NBPF20: variants seen among roughly 807,000 people sequenced by gnomAD.
NBPF20 encodes the protein NBPF family member NBPF20.
Under a neutral mutation model 68.1 loss-of-function variants are expected in NBPF20, and 90 were observed. That is an observed-to-expected ratio of 1.32 (90% CI 1.11 to 1.58). NBPF20 has a LOEUF of 1.58. Among genes scored for constraint, NBPF20 ranks in the 40% most tolerant of loss-of-function variants. NBPF20 has a pLI of 0.00. For missense variants in NBPF20, 816 were observed against 601.2 expected, an observed-to-expected ratio of 1.36 and a Z score of -3.74; for synonymous variants, 290 against 228.1, an observed-to-expected ratio of 1.27 and a Z score of -2.45.
chr1:145,394,473 A>T (rs1553663241), intron 8 of NBPF20, among the ~76,000 whole-genome samples: 1 of 152,132 alleles, frequency 6.6e-6, no homozygotes, highest in Non-Finnish European at 1.5e-5. Context: ...ATGAGCTAAA[A>T]CAAGCGAACT....
rs1272967976 is a variant in NBPF20, at chr1:145,393,735, C to T, written c.1043+149G>A. On this transcript the variant is annotated intron_variant, in intron 9 of 137. Coordinates refer to ENST00000369373, the Ensembl canonical transcript of NBPF20. ...AGAAATGGAAACCTAAACATGTACT[C>T]TAATGAGAACCAGAAAGCAATGTAG... 10 of 1,511,162 alleles carry T rather than the reference C, an allele frequency of 6.6e-6. No individual in the cohort carries two copies. In the Admixed American group the frequency reaches 1.7e-4, roughly 25 times the overall value. 93.6% of individuals were successfully genotyped at this position (1,511,162 alleles called of 1,614,324 possible).
chr1:145,291,715 C>T lies in NBPF20; in HGVS notation c.16752G>A (p.Leu5584=), dbSNP rs371398702. The T allele has an allele frequency of 5.0e-6, 8 of 1,611,810 alleles. No homozygotes were observed. In the South Asian group the frequency reaches 5.5e-5, roughly 11 times the overall value. ...TTGACGGAGTAGAATAACATCCATC[C>T]AGTGAGTCCTGTAAGACTTCAGGCT... Residue 5584 remains leucine (L), a synonymous_variant, in exon 138 of 138, where the codon CTG becomes CTA. Transcript: ENST00000369373.
intron 6 of NBPF20, among the ~76,000 whole-genome samples, chr1:145,400,121 G>T (rs1202381090): frequency 1.3e-5 from 2 of 152,210 alleles, no homozygotes; most frequent in African/African-American, 4.8e-5. Flanking sequence ...ATCGAAGCTA[G>T]TAGGCCTGAC....
the NBPF20 span, among the ~76,000 whole-genome samples, chr1:145,420,189 T>A: frequency 7.1e-6 from 1 of 140,660 alleles, no homozygotes; most frequent in African/African-American, 2.6e-5. Flanking sequence ...GAATGGGGGG[T>A]AAGAGGGGAA....
chr1:145,397,913 A>C (rs1662337248), intron 7 of NBPF20, among the ~76,000 whole-genome samples: 1 of 152,180 alleles, frequency 6.6e-6, no homozygotes, highest in South Asian at 2.1e-4. Flanking sequence ...ATGGAAAACA[A>C]AAAAAGGCAG....
chr1:145,306,252 A>C (rs1661404525), intron 119 of NBPF20, among the ~76,000 whole-genome samples, 187 bp from the exon 125 acceptor site: 2 of 144,316 alleles, frequency 1.4e-5, no homozygotes, highest in Admixed American at 7.0e-5. Flanking sequence ...ATGAAAGAGA[A>C]AGACAGATAG....
chr1:145,406,469 T>C (rs1445205778), upstream of NBPF20, among the ~76,000 whole-genome samples: 1 of 151,650 alleles, frequency 6.6e-6, no homozygotes, highest in Admixed American at 6.6e-5. Flanking sequence ...CCTGGGTATC[T>C]ATAGCTAGGG....
At chr1:145,403,901 A>C (rs2101585346) in intron 2 of NBPF20, among the ~76,000 whole-genome samples, 1 of 151,780 alleles carries the variant, frequency 6.6e-6, no homozygotes, top group African/African-American at 2.4e-5. Flanking sequence ...GTTTGTGTTA[A>C]TTTAGAAACA....
intron 129 of NBPF20, among the ~76,000 whole-genome samples, chr1:145,298,367 C>A (rs1166842500): frequency 1.4e-5 from 2 of 144,108 alleles, no homozygotes; most frequent in South Asian, 4.4e-4. Context: ...GACACACACA[C>A]ACAGACACAC....
chr1:145,413,370 T>C, the NBPF20 span, among the ~76,000 whole-genome samples: 2 of 150,118 alleles, frequency 1.3e-5, no homozygotes, highest in Admixed American at 6.6e-5. Context: ...ACAAGAATGT[T>C]CATAGCAGTT....
chr1:145,418,974 G>A, the NBPF20 span, among the ~76,000 whole-genome samples: 1 of 129,888 alleles, frequency 7.7e-6, no homozygotes, highest in African/African-American at 3.0e-5. Context: ...ATTTAAAAAA[G>A]TAGAACAAAA....
the NBPF20 span, among the ~76,000 whole-genome samples, chr1:145,416,120 TA>T: frequency 1.3e-5 from 2 of 150,896 alleles, no homozygotes; most frequent in African/African-American, 4.9e-5. Context: ...AAAAGAGAAA[TA>T]ACTCCATCTC....
rs201158907 is a variant in NBPF20, at chr1:145,291,782, A to T, written c.16698-13T>A. 4 of 1,612,018 alleles carry T rather than the reference A, an allele frequency of 2.5e-6. No individual in the cohort carries two copies. The highest frequency in any genetic ancestry group is 2.3e-4 in the Middle Eastern group (1 of 4,430). On this transcript the variant is annotated splice_polypyrimidine_tract_variant and intron_variant, in intron 137 of 137. Coordinates refer to ENST00000369373, the Ensembl canonical transcript of NBPF20. ...CACGCCGTTGAGCCTGGAAAAGGAG[A>T]CAAAACTAAAGAAGCAGCCAGGGAA...
chr1:145,410,765 C>CAT, the NBPF20 span, among the ~76,000 whole-genome samples: 2 of 86,346 alleles, frequency 2.3e-5, no homozygotes, highest in Admixed American at 2.5e-4. Flanking sequence ...TATATATATA[C>CAT]GTATATATAT....
chr1:145,419,757 A>C, the NBPF20 span, among the ~76,000 whole-genome samples: 1 of 152,126 alleles, frequency 6.6e-6, no homozygotes, highest in Non-Finnish European at 1.5e-5. Flanking sequence ...TCCATGGGGT[A>C]GTGACCTGAG....
At chr1:145,292,051 C>A (rs1489660261) in intron 137 of NBPF20, among the ~76,000 whole-genome samples, 6 of 149,434 alleles carry the variant, frequency 4.0e-5, no homozygotes, top group Non-Finnish European at 5.9e-5. Flanking sequence ...TCAAAGGACA[C>A]TCTGAGTTAG....
intron 7 of NBPF20, among the ~76,000 whole-genome samples, chr1:145,396,919 T>TC: frequency 1.5e-5 from 1 of 66,078 alleles, no homozygotes; most frequent in Non-Finnish European, 2.7e-5. Context: ...CCCTCCTCCC[T>TC]CCCCCCACCC....
the NBPF20 span, among the ~76,000 whole-genome samples, chr1:145,425,103 C>G: frequency 1.3e-5 from 2 of 152,090 alleles, no homozygotes; most frequent in Non-Finnish European, 2.9e-5. Flanking sequence ...TGGGATGCCA[C>G]AGAACACCCG....
At chr1:145,342,771 A>T in intron 73 of NBPF20, among the ~76,000 whole-genome samples, 1 of 116,436 alleles carries the variant, frequency 8.6e-6, no homozygotes, top group Admixed American at 8.9e-5. Context: ...ACACACACAC[A>T]CACACACACA....
Sources: allele counts gnomAD v4.1 joint callset (sites outside exome capture counted in the v4.1 genomes callset), GRCh38; gene constraint gnomAD v4.1.1; transcripts MANE v1.5; gene names NCBI Gene and HGNC (gene_info 2026-07-23, HGNC 2026-07-21).